The following ZNF536 variants were observed in gnomAD, a reference collection of about 807,000 sequenced individuals.
ZNF536 encodes zinc finger protein 536.
A neutral mutation model predicts 84.5 loss-of-function variants in ZNF536; 13 were observed. The observed-to-expected ratio is 0.15, with a 90% CI of 0.10 to 0.24. The LOEUF (loss-of-function observed/expected upper bound fraction) is 0.24. ZNF536 is among the 10% of genes least tolerant of loss of function. The probability of loss-of-function intolerance (pLI) is 1.00; values close to 1 mark genes in which losing one functional copy is unlikely to be tolerated. For synonymous variants in ZNF536, 811 were observed against 742.5 expected (o/e 1.09, Z -1.50); for missense variants, 1,536 against 1,747.5 (o/e 0.88, Z 2.16).
At chr19:30,438,918 C>T (rs1038112017) in intron 1 of ZNF536, among the ~76,000 whole-genome samples, 3 of 152,074 alleles carry the variant, frequency 2.0e-5, no homozygotes, top group African/African-American at 7.2e-5. Context: ...TGGGGCTCAG[C>T]CTCCCAAAGT....
chr19:30,591,818 C>G (rs1162449471), intron 1 of ZNF536, among the ~76,000 whole-genome samples: 1 of 152,160 alleles, frequency 6.6e-6, no homozygotes, highest in Non-Finnish European at 1.5e-5. Flanking sequence ...GGGCACCACC[C>G]TTCAGAATTC....
intron 1 of ZNF536, among the ~76,000 whole-genome samples, chr19:30,402,823 A>ATATATATAT (rs71171802): frequency 2.6e-4 from 36 of 138,282 alleles, no homozygotes; most frequent in Middle Eastern, 3.6e-3. Context: ...ATATATATAT[A>ATATATATAT]ATTTTCAAAA....
intron 3 of ZNF536, among the ~76,000 whole-genome samples, chr19:30,360,170 G>T (rs555472135): frequency 6.6e-6 from 1 of 152,212 alleles, no homozygotes; most frequent in African/African-American, 2.4e-5. Flanking sequence ...AAAGTACCAC[G>T]CAGCGAGCTT....
intron 2 of ZNF536, among the ~76,000 whole-genome samples, chr19:30,325,982 G>T (rs1267399265): frequency 1.3e-5 from 2 of 152,208 alleles, no homozygotes; most frequent in African/African-American, 4.8e-5. Flanking sequence ...TCTCCTCTCT[G>T]CTAAATCACA....
Position 30,671,765 on chromosome 19 carries a change from C to T in ZNF536, c.170-38992C>T, listed in dbSNP as rs190002868. On this transcript the variant is annotated intron_variant, in intron 1 of 1. Transcript: ENST00000592773. ...CAGCAGACATTTGTTCAGTGACGAA[C>T]AAACAGCCTCAACTTGGGTGGTTGC... is the stretch of plus-strand genomic sequence containing the variant. Among the ~76,000 whole-genome samples, 696 of 152,316 alleles carry T rather than the reference C, an allele frequency of 4.6e-3. 4 individuals are homozygous for T. Among genetic ancestry groups the T allele is most frequent in the African/African-American group, 0.016 (665 of 41,572 alleles).
At chr19:30,702,163 GGCGAAAGAGCAGATATTTCCATCCTA>G (rs1295681648) in intron 1 of ZNF536, among the ~76,000 whole-genome samples, 2 of 152,274 alleles carry the variant, frequency 1.3e-5, no homozygotes, top group African/African-American at 4.8e-5. Flanking sequence ...CCTTAGGTGC[GGCGAAAGAGCAGATATTTCCATCCTA>G]GCAAGTAAGA....
intron 2 of ZNF536, among the ~76,000 whole-genome samples, chr19:30,490,933 A>G (rs2054483849): frequency 6.6e-6 from 1 of 152,110 alleles, no homozygotes; most frequent in African/African-American, 2.4e-5. Context: ...AGCTGTCTTT[A>G]GGGGCGTTGA....
At chr19:30,435,014 G>A (rs1217450310) in intron 1 of ZNF536, among the ~76,000 whole-genome samples, 1 of 151,954 alleles carries the variant, frequency 6.6e-6, no homozygotes, top group Non-Finnish European at 1.5e-5. Flanking sequence ...TGATGCGGAT[G>A]CTGGTGATGG....
chr19:30,406,032 C>A (rs1276770557), intron 1 of ZNF536, among the ~76,000 whole-genome samples: 2 of 152,194 alleles, frequency 1.3e-5, no homozygotes, highest in Non-Finnish European at 2.9e-5. Flanking sequence ...CCACCTTGGC[C>A]TCCCAAAGTG....
chr19:30,703,418 C>T (rs995171881), intron 1 of ZNF536, among the ~76,000 whole-genome samples: 1 of 152,180 alleles, frequency 6.6e-6, no homozygotes, highest in Non-Finnish European at 1.5e-5. Flanking sequence ...TTAGCCCTAC[C>T]TTCTAAATGG....
chr19:30,597,245 A>G (rs1181752051), intron 1 of ZNF536, among the ~76,000 whole-genome samples: 1 of 152,226 alleles, frequency 6.6e-6, no homozygotes, highest in East Asian at 1.9e-4. Context: ...GGTCTAGTCT[A>G]AATATATATA....
Position 30,240,590 on chromosome 19 carries a change from C to T in ZNF536, c.-190+11917C>T, listed in dbSNP as rs181613280. 2.4e-3 allele frequency among the ~76,000 whole-genome samples: 369 copies of T among 152,300 alleles called. 2 individuals are homozygous for T. The highest frequency in any genetic ancestry group is 8.4e-3 in the African/African-American group (351 of 41,572). ...GCACTGGCCTGACCTCCCACTGGCC[C>T]GCACATGAACTGTTCCAGAGACAAT... On this transcript the variant is annotated intron_variant, in intron 1 of 5. Transcript: ENST00000585628.
intron 1 of ZNF536, among the ~76,000 whole-genome samples, chr19:30,590,126 T>G (rs1328760899): frequency 6.6e-6 from 1 of 152,226 alleles, no homozygotes; most frequent in East Asian, 1.9e-4. Context: ...TGGGCGGTGT[T>G]GATGTTGGCC....
At chr19:30,473,559 A>T (rs1244100374) in intron 2 of ZNF536, among the ~76,000 whole-genome samples, 1 of 152,178 alleles carries the variant, frequency 6.6e-6, no homozygotes, top group African/African-American at 2.4e-5. Context: ...AACCTGTTGC[A>T]TGTATTCTGT....
chr19:30,582,476 A>G (rs1355012314), intron 1 of ZNF536, among the ~76,000 whole-genome samples: 1 of 147,252 alleles, frequency 6.8e-6, no homozygotes, highest in Non-Finnish European at 1.5e-5. Flanking sequence ...CTGCAGCCTC[A>G]AACTCCTGGG....
intron 1 of ZNF536, among the ~76,000 whole-genome samples, chr19:30,603,068 G>A (rs751237846): frequency 9.9e-5 from 15 of 152,188 alleles, no homozygotes; most frequent in African/African-American, 3.6e-4. Context: ...CCCGTGTGAC[G>A]TTCTACCTTG....
chr19:30,654,155 C>T (rs1261877647), intron 1 of ZNF536, among the ~76,000 whole-genome samples: 1 of 152,202 alleles, frequency 6.6e-6, no homozygotes, highest in Non-Finnish European at 1.5e-5. Flanking sequence ...GTCTCCCTGG[C>T]TGCTACCTGG....
chr19:30,578,213 G>A (rs1006266512), intron 1 of ZNF536, among the ~76,000 whole-genome samples: 4 of 152,138 alleles, frequency 2.6e-5, no homozygotes, highest in Admixed American at 6.5e-5. Context: ...AAGTCAGCCC[G>A]GCAATTTCAG....
intron 1 of ZNF536, among the ~76,000 whole-genome samples, chr19:30,424,281 C>T (rs2051116225): frequency 6.6e-6 from 1 of 152,126 alleles, no homozygotes; most frequent in Admixed American, 6.5e-5. Flanking sequence ...TAGGTGGGTG[C>T]CTGGTCACTC....
Sources: allele counts gnomAD v4.1 joint callset (sites outside exome capture counted in the v4.1 genomes callset), GRCh38; gene constraint gnomAD v4.1.1; transcripts MANE v1.5; gene names NCBI Gene and HGNC (gene_info 2026-07-23, HGNC 2026-07-21).